The following ATAD5 variants were observed in gnomAD, a reference collection of about 807,000 sequenced individuals.
ATAD5 encodes the protein ATPase family AAA domain-containing protein 5.
In ATAD5, 58 loss-of-function variants were observed where a neutral mutation model predicts 176.9. The observed-to-expected ratio is 0.33, with a 90% CI of 0.27 to 0.41. ATAD5 has a LOEUF of 0.41. ATAD5 is among the 10% of genes least tolerant of loss of function. The pLI is 1.00. For missense variants in ATAD5, 1,789 were observed against 2,094.1 expected, an observed-to-expected ratio of 0.85 and a Z score of 2.84; for synonymous variants, 640 against 712.6, an observed-to-expected ratio of 0.90 and a Z score of 1.62.
At chr17:30,841,306 CTT>C (rs367904358) in intron 4 of ATAD5, among the ~76,000 whole-genome samples, 279 of 152,222 alleles carry the variant, frequency 1.8e-3, no homozygotes, top group African/African-American at 6.5e-3. Flanking sequence ...CAAAACGACT[CTT>C]TGCTCTAGTC....
At chr17:30,868,652 G>A (rs1185991286) in intron 12 of ATAD5, among the ~76,000 whole-genome samples, 3 of 150,708 alleles carry the variant, frequency 2.0e-5, no homozygotes, top group African/African-American at 7.3e-5. Context: ...GATTACAGGC[G>A]CCTGCCGCCA....
intron 17 of ATAD5, among the ~76,000 whole-genome samples, chr17:30,878,716 GTGTTTTTTTTTTTT>G (rs1567696454): frequency 1.2e-4 from 10 of 82,656 alleles, no homozygotes; most frequent in Non-Finnish European, 1.7e-4. Flanking sequence ...AAGTTAGGTG[GTGTTTTTTTTTTTT>G]TTTTTTTTTT....
intron 12 of ATAD5, 152 bp from the exon 13 acceptor site, chr17:30,869,096 G>T: frequency 1.2e-6 from 1 of 852,612 alleles, no homozygotes; most frequent in East Asian, 2.9e-5. Flanking sequence ...AAAGTGCTGG[G>T]ATTACAGGCA....
intron 14 of ATAD5, among the ~76,000 whole-genome samples, chr17:30,873,710 A>G (rs1160375501): frequency 1.7e-5 from 2 of 118,260 alleles, no homozygotes; most frequent in East Asian, 4.4e-4. Flanking sequence ...TTTTTTTGAA[A>G]AGACGGGGTC....
At chr17:30,873,405 T>C (rs1908454614) in intron 14 of ATAD5, among the ~76,000 whole-genome samples, 1 of 151,252 alleles carries the variant, frequency 6.6e-6, no homozygotes, top group Non-Finnish European at 1.5e-5. Context: ...GCAACCTCCG[T>C]CTCCCAGGTT....
At chr17:30,850,831 T>TATATATA (rs1906846422) in intron 6 of ATAD5, among the ~76,000 whole-genome samples, 1 of 62,586 alleles carries the variant, frequency 1.6e-5, no homozygotes, top group Admixed American at 1.9e-4. Context: ...ATTTATATAT[T>TATATATA]TTTATATATA....
intron 14 of ATAD5, among the ~76,000 whole-genome samples, chr17:30,871,593 A>AC (rs1395261363): frequency 1.3e-5 from 2 of 150,544 alleles, no homozygotes; most frequent in African/African-American, 2.4e-5. Context: ...CAGGTGATCC[A>AC]CCCCCCATGG....
intron 14 of ATAD5, 160 bp downstream of exon 14, chr17:30,869,806 A>G (rs1318528539): frequency 2.1e-5 from 15 of 711,438 alleles, no homozygotes; most frequent in Non-Finnish European, 3.1e-5. Context: ...TCTGAAGACC[A>G]TCATATCATT....
chr17:30,833,844 C>T (rs1403207089), intron 1 of ATAD5, among the ~76,000 whole-genome samples: 1 of 152,098 alleles, frequency 6.6e-6, no homozygotes, highest in African/African-American at 2.4e-5. Flanking sequence ...CTATGCTCAG[C>T]TAATTTTTTG....
chr17:30,880,915 A>G (rs967534323), intron 18 of ATAD5, among the ~76,000 whole-genome samples: 1 of 152,100 alleles, frequency 6.6e-6, no homozygotes, highest in Non-Finnish European at 1.5e-5. Context: ...ATCAGAATAT[A>G]GAGCATTTCC....
chr17:30,893,463 C>T lies in ATAD5; in HGVS notation c.4610C>T (p.Ala1537Val). The T allele has an allele frequency of 6.2e-7, 1 of 1,613,760 alleles. No homozygotes were observed. Residue 1537 changes from alanine to valine, a missense_variant, in exon 21 of 23, where the codon GCC (alanine) becomes GTC (valine). Ala to Val is a moderately conservative substitution (Grantham distance 64, BLOSUM62 0). This residue lies in a region of ATAD5 where 403 missense variants were observed against 495.1 expected (regional missense o/e 0.81). Coordinates refer to ENST00000321990, the MANE Select transcript of ATAD5 (RefSeq NM_024857.5). ...NFCGPSVTVD[A>V]SAATKSMNCL... ...TGTGGCCCATCAGTAACTGTGGATG[C>T]CAGTGCAGCAACAAAAAGTATGAAT... is the stretch of plus-strand genomic sequence containing the variant.
chr17:30,862,706 G>A (rs1028399291), intron 10 of ATAD5: 1 of 152,392 alleles, frequency 6.6e-6, no homozygotes, highest in Admixed American at 6.6e-5. Context: ...CTCCCAAAGT[G>A]CTGGGATTAC....
In ATAD5 at chr17:30,869,507, G is replaced by A; in HGVS notation, c.3468G>A (p.Val1156=). ...AQELGFKIFE[V]NASSQRSGRQ... is the part of the protein sequence containing the mutation. ...TATTCTTCTTTTAGATATTTGAAGT[G>A]AATGCCTCTTCCCAGCGCAGTGGTA... Residue 1156 remains valine (V), a synonymous_variant, in exon 14 of 23, where the codon GTG becomes GTA. Transcript: ENST00000321990. 6.2e-7 allele frequency: 1 copy of A among 1,613,118 alleles called. No homozygotes were observed. The highest frequency in any genetic ancestry group is 8.5e-7 in the Non-Finnish European group (1 of 1,179,824).
rs71274248 is a variant in ATAD5 at position 30,895,405 on chromosome 17, C to CT, written c.*509dup. 2,218 of 129,110 alleles carry CT rather than the reference C, an allele frequency of 0.017. 31 individuals are homozygous for CT. The highest frequency in any genetic ancestry group is 0.029 in the Middle Eastern group (7 of 242). 8.0% of individuals were successfully genotyped at this position (129,110 alleles called of 1,614,324 possible). ...CATATTGTACAGTTTTTTTTGTGTG[C>CT]TTTTTTTTTTTTTTTTTGAGACGGA... On this transcript the variant is annotated 3_prime_UTR_variant, in exon 23 of 23. Coordinates refer to ENST00000321990, the MANE Select transcript of ATAD5 (RefSeq NM_024857.5).
intron 4 of ATAD5, among the ~76,000 whole-genome samples, chr17:30,842,726 A>G (rs1223198731): frequency 6.6e-6 from 1 of 152,106 alleles, no homozygotes; most frequent in Non-Finnish European, 1.5e-5. Flanking sequence ...TTTTCTGCAT[A>G]TGAATACCAG....
chr17:30,851,005 A>G (rs1166337302), intron 6 of ATAD5, among the ~76,000 whole-genome samples: 4 of 139,742 alleles, frequency 2.9e-5, no homozygotes, highest in Non-Finnish European at 6.2e-5. Flanking sequence ...CTGCCTCAGC[A>G]TCCCGAGTAG....
In ATAD5 at chr17:30,850,833, T is replaced by TTTTATA. The variant is rs1158266099; in HGVS notation, c.2451-4309_2451-4308insTTATAT. Among the ~76,000 whole-genome samples, 45 of 27,834 alleles carry TTTTATA rather than the reference T, an allele frequency of 1.6e-3. 1 individual carries two copies. Among genetic ancestry groups the TTTTATA allele is most frequent in the East Asian group, 3.0e-3 (3 of 1,016 alleles). The allele number at this position is 27,834 out of a possible 152,430, so 18.3% of individuals were successfully genotyped here. ...AATTATTATTTATATTTATATATTT[T>TTTTATA]TATATATATATATATATATATATAT... is the stretch of plus-strand genomic sequence containing the variant. On this transcript the variant is annotated intron_variant, in intron 6 of 22. Transcript: ENST00000321990.
rs755030062 is a variant in ATAD5 at position 30,892,588 on chromosome 17, ATTTTC to A, written c.4259-14_4259-10del. The A allele has an allele frequency of 6.6e-7, 1 of 1,522,812 alleles. No individual in the cohort carries two copies. The highest frequency in any genetic ancestry group is 8.8e-7 in the Non-Finnish European group (1 of 1,138,070). The allele number at this position is 1,522,812 out of a possible 1,614,324, so 94.3% of individuals were successfully genotyped here. The stretch of plus-strand genomic sequence containing the variant: ...TGTTTAATACATATATAGAGCTAAG[ATTTTC>A]TTTTATTTTGTAGGTGGAAATAGCA... On this transcript the variant is annotated splice_polypyrimidine_tract_variant and intron_variant, in intron 19 of 22. Transcript: ENST00000321990.
intron 2 of ATAD5, among the ~76,000 whole-genome samples, chr17:30,836,301 C>A (rs1905741294): frequency 6.6e-6 from 1 of 151,972 alleles, no homozygotes; most frequent in African/African-American, 2.4e-5. Context: ...GCCTTAGCCT[C>A]CCAAGTAGCT....
Sources: gnomAD v4.1 joint callset for allele counts (sites outside exome capture counted in the v4.1 genomes callset) on GRCh38, gnomAD v4.1.1 for gene constraint, gnomAD v4.1.1 regional missense constraint, MANE v1.5 for transcripts, NCBI Gene and HGNC (gene_info 2026-07-23, HGNC 2026-07-21) for gene names.